Variants in SOX30 observed in about 807,000 individuals in gnomAD.
The protein encoded by SOX30 is SRY-box transcription factor 30.
In SOX30, 17 loss-of-function variants were observed where a neutral mutation model predicts 58.6. The ratio of observed to expected loss-of-function variants is 0.29; its 90% CI spans 0.20 to 0.44. The LOEUF is 0.44. Ranked by LOEUF, SOX30 falls within the 20% of genes least tolerant of loss-of-function variation. SOX30 has a pLI of 1.00. For synonymous variants in SOX30, 421 were observed against 400.2 expected, an observed-to-expected ratio of 1.05 and a Z score of -0.62; for missense variants, 951 against 965.8, an observed-to-expected ratio of 0.98 and a Z score of 0.20.
At position 157,640,430 on chromosome 5, in the gene SOX30, C is replaced by A. The variant is rs76540700; in HGVS notation, c.1388-1708G>T. On this transcript the variant is annotated intron_variant, in intron 3 of 4. Transcript: ENST00000265007. ...CTGAAGAGAATTCCACACTACCATG[C>A]TATAAGCGAGACAGGGTAGTGGGGT... 3.3e-5 allele frequency among the ~76,000 whole-genome samples: 5 copies of A among 152,284 alleles called. No individual in the cohort carries two copies. The South Asian group carries it at 1.0e-3, about 32-fold the overall frequency.
At chr5:157,632,596 G>A (rs1281783142) in intron 4 of SOX30, among the ~76,000 whole-genome samples, 1 of 152,066 alleles carries the variant, frequency 6.6e-6, no homozygotes, top group African/African-American at 2.4e-5. Context: ...GGCAAAAAGA[G>A]CGAAACTCCA....
At chr5:157,630,027 C>CATA (rs1752614714) in intron 4 of SOX30, among the ~76,000 whole-genome samples, 1 of 152,180 alleles carries the variant, frequency 6.6e-6, no homozygotes, top group African/African-American at 2.4e-5. Flanking sequence ...AAAGGTCTGT[C>CATA]ATAAGGAACA....
chr5:157,633,141 C>T (rs2113834870), intron 4 of SOX30, among the ~76,000 whole-genome samples: 1 of 152,328 alleles, frequency 6.6e-6, no homozygotes, highest in South Asian at 2.1e-4. Flanking sequence ...CCTATCCCCA[C>T]CTTGAACAGG....
At chr5:157,648,604 T>C in intron 2 of SOX30, 53 bp downstream of exon 2, 1 of 1,553,290 alleles carries the variant, frequency 6.4e-7, no homozygotes, top group East Asian at 2.2e-5. Flanking sequence ...CCCTAATCTT[T>C]AACTAAATAA....
chr5:157,626,748 A>G (rs771267620), intron 4 of SOX30, 27 bp from the exon 5 acceptor site: 2 of 1,563,940 alleles, frequency 1.3e-6, no homozygotes, highest in South Asian at 1.2e-5. Flanking sequence ...CAAACAAGGA[A>G]TTAGATCTTG....
At chr5:157,632,242 C>T (rs1758832238) in intron 4 of SOX30, among the ~76,000 whole-genome samples, 1 of 151,922 alleles carries the variant, frequency 6.6e-6, no homozygotes, top group Non-Finnish European at 1.5e-5. Flanking sequence ...TTTCTCTGAT[C>T]CTTTCAGGTG....
In SOX30 at chr5:157,651,419, G is replaced by GAGTC; in HGVS notation, c.656_659dup (p.Leu221ThrfsTer40). 1 of 1,613,538 alleles carries GAGTC rather than the reference G, an allele frequency of 6.2e-7. No individual in the cohort carries two copies. Among genetic ancestry groups the GAGTC allele is most frequent in the Non-Finnish European group, 8.5e-7 (1 of 1,180,046 alleles). On this transcript the variant is annotated frameshift_variant, in exon 1 of 5. Coordinates refer to ENST00000265007, the MANE Select transcript of SOX30 (RefSeq NM_178424.2). LOFTEE classifies it high-confidence loss of function. ...CCGCGCCGAGCCTGCAGTCCTCGAG[G>GAGTC]AGTCTCTCGGGTTCCTCCGTTTTGA...
At chr5:157,641,157 G>A (rs926811862) in intron 3 of SOX30, among the ~76,000 whole-genome samples, 1 of 152,138 alleles carries the variant, frequency 6.6e-6, no homozygotes, top group African/African-American at 2.4e-5. Context: ...GGAAGGCCAA[G>A]ATGGGAGAAT....
At position 157,631,032 on chromosome 5, in the gene SOX30, T is replaced by C. The variant is rs557963656; in HGVS notation, c.1881-4311A>G. On this transcript the variant is annotated intron_variant, in intron 4 of 4. Transcript: ENST00000265007. ...ATATACTATATATTTTATATATATATACAATATATATATTTTATATATATA... is the reference window on the plus strand; with the variant it reads ...ATATACTATATATTTTATATATATACACAATATATATATTTTATATATATA... 1.0e-4 allele frequency among the ~76,000 whole-genome samples: 10 copies of C among 98,196 alleles called. No individual in the cohort carries two copies. In the Admixed American group the frequency reaches 1.2e-3, roughly 12 times the overall value. The allele number at this position is 98,196 out of a possible 152,430, so 64.4% of individuals were successfully genotyped here.
chr5:157,669,169 G>A (rs1759725973), intron 1 of SOX30, among the ~76,000 whole-genome samples: 1 of 151,084 alleles, frequency 6.6e-6, no homozygotes, highest in South Asian at 2.1e-4. Context: ...CACAATGCCT[G>A]GGTGCTGGGA....
intron 2 of SOX30, among the ~76,000 whole-genome samples, chr5:157,664,067 A>T: frequency 7.5e-6 from 1 of 134,204 alleles, no homozygotes; most frequent in Non-Finnish European, 1.5e-5. Context: ...CAAGCTACCA[A>T]TGACTTTCTT....
intron 1 of SOX30, among the ~76,000 whole-genome samples, chr5:157,669,100 G>A (rs1759724084): frequency 6.6e-6 from 1 of 152,190 alleles, no homozygotes; most frequent in African/African-American, 2.4e-5. Flanking sequence ...ATCCCACAGA[G>A]ACCAAAAGGG....
Position 157,651,138 on chromosome 5 carries a change from G to A in SOX30, c.941C>T (p.Pro314Leu), listed in dbSNP as rs372385610. ...TGCATCTGAGGGCAACACGGTGAGC[G>A]GGACATCTTTGGTTTCAATTTTTAC... ...PSVKIETKDVPLTVLPSDAGI... is the reference protein window; with the variant it reads ...PSVKIETKDVLLTVLPSDAGI... Residue 314 changes from proline (P) to leucine (L), a missense_variant, in exon 1 of 5, where the codon CCG (proline) becomes CTG (leucine). Physicochemically the swap from Pro to Leu is moderately conservative, Grantham distance 98. Around this residue, in one of 7 missense-constraint regions of SOX30, gnomAD observed 60 missense variants for 74.0 expected, o/e 0.81. Transcript: ENST00000265007. 99 of 1,561,048 alleles carry A rather than the reference G, an allele frequency of 6.3e-5. No individual in the cohort carries two copies. The highest frequency in any genetic ancestry group is 2.5e-4 in the Admixed American group (13 of 51,936).
At chr5:157,661,812 G>A (rs1189195076) in intron 2 of SOX30, among the ~76,000 whole-genome samples, 7 of 152,162 alleles carry the variant, frequency 4.6e-5, no homozygotes, top group Admixed American at 3.9e-4. Context: ...TTCATGACGA[G>A]TGTTGTTCTA....
chr5:157,632,358 G>A (rs1157738115), intron 4 of SOX30, among the ~76,000 whole-genome samples: 2 of 152,180 alleles, frequency 1.3e-5, no homozygotes, highest in African/African-American at 2.4e-5. Context: ...CCCTCTGTGC[G>A]TAGCTCTCTT....
Position 157,651,803 on chromosome 5 carries a change from A to T in SOX30, c.276T>A (p.Ala92=). The part of the protein sequence containing the change: ...PQPQAQNEEA[A]ASSAQARLLQ... ...ACAGCCGCGCCTGCGCGGACGAGGC[A>T]GCGGCTTCCTCGTTCTGGGCCTGAG... The change falls in exon 1 of 5, where the codon GCT becomes GCA. Residue 92 remains alanine (A), a synonymous_variant. Coordinates refer to ENST00000265007, the MANE Select transcript of SOX30 (RefSeq NM_178424.2). 6.3e-7 allele frequency: 1 copy of T among 1,581,462 alleles called. No individual in the cohort carries two copies. The highest frequency in any genetic ancestry group is 1.7e-4 in the Middle Eastern group (1 of 5,750).
At chr5:157,647,474 A>G (rs1581398856) in intron 2 of SOX30, among the ~76,000 whole-genome samples, 1 of 106,388 alleles carries the variant, frequency 9.4e-6, no homozygotes, top group South Asian at 2.7e-4. Context: ...ATAATGCCTC[A>G]CTATGACATT....
At chr5:157,671,294 C>G (rs1759780540) in intron 1 of SOX30, 2 of 353,866 alleles carry the variant, frequency 5.7e-6, no homozygotes, top group Admixed American at 9.5e-5. Context: ...TCACTGCAGT[C>G]CCCACGTCGA....
chr5:157,628,679 T>A (rs1758720460), intron 4 of SOX30, among the ~76,000 whole-genome samples: 1 of 150,478 alleles, frequency 6.6e-6, no homozygotes, highest in African/African-American at 2.5e-5. Context: ...TCTCGCTCTG[T>A]CACCCAGGCT....
Sources: gnomAD v4.1 joint callset for allele counts (sites outside exome capture counted in the v4.1 genomes callset) on GRCh38, gnomAD v4.1.1 for gene constraint, gnomAD v4.1.1 regional missense constraint, MANE v1.5 for transcripts, NCBI Gene and HGNC (gene_info 2026-07-23, HGNC 2026-07-21) for gene names.